PAX5: variants seen among roughly 807,000 people sequenced by gnomAD.
The protein encoded by PAX5 is paired box protein Pax-5.
A neutral mutation model predicts 43.7 loss-of-function variants in PAX5; 9 were observed. The observed-to-expected ratio is 0.21, with a 90% confidence interval of 0.12 to 0.36. The LOEUF is 0.36. Ranked by LOEUF, PAX5 falls within the 10% of genes least tolerant of loss-of-function variation. The probability of loss-of-function intolerance (pLI) is 1.00; values close to 1 mark genes in which losing one functional copy is unlikely to be tolerated. For missense variants in PAX5, 383 were observed against 532.7 expected, an observed-to-expected ratio of 0.72 and a Z score of 2.77; for synonymous variants, 228 against 214.3, an observed-to-expected ratio of 1.06 and a Z score of -0.56.
At position 36,882,199 on chromosome 9, in the gene PAX5, G is replaced by T; in HGVS notation, c.911-94C>A. The T allele has an allele frequency of 9.6e-7, 1 of 1,037,506 alleles. No homozygotes were observed. The highest frequency in any genetic ancestry group is 1.4e-6 in the Non-Finnish European group (1 of 721,286). The allele number at this position is 1,037,506 out of a possible 1,614,324, so 64.3% of individuals were successfully genotyped here. A position where few individuals can be genotyped will look rare whatever the true frequency, so the allele number is the denominator to read the frequency against. On this transcript the variant is annotated intron_variant, in intron 7 of 9. Transcript: ENST00000358127. The surrounding 1 kb of genome is among the most constrained non-coding windows in gnomAD (Gnocchi z 4.4). ...CTGGACGCTTCTGCACATTTGTCAC[G>T]TTTGGACGCTGAACGGCAATGTGCC...
intron 6 of PAX5, among the ~76,000 whole-genome samples, chr9:36,934,306 G>A (rs1020279605): frequency 9.9e-5 from 15 of 152,218 alleles, no homozygotes; most frequent in Admixed American, 7.2e-4. Flanking sequence ...CAGGCCTTTT[G>A]CGTTTCAGTT....
chr9:37,028,727 T>C (rs988117354), intron 1 of PAX5, among the ~76,000 whole-genome samples: 1 of 152,200 alleles, frequency 6.6e-6, no homozygotes, highest in Non-Finnish European at 1.5e-5. Flanking sequence ...ACAGGCGCAT[T>C]CTATCTGCAA....
At chr9:36,950,533 CAGA>C (rs1162050294) in intron 6 of PAX5, among the ~76,000 whole-genome samples, 1 of 152,172 alleles carries the variant, frequency 6.6e-6, no homozygotes, top group Non-Finnish European at 1.5e-5. Context: ...CTCTCAGCGA[CAGA>C]AGATTCCCAG....
intron 1 of PAX5, among the ~76,000 whole-genome samples, chr9:37,028,409 C>T (rs988087953): frequency 2.0e-5 from 3 of 152,238 alleles, no homozygotes; most frequent in African/African-American, 7.2e-5. Flanking sequence ...GCAGGGCCCT[C>T]ATTGCTGCAT....
At chr9:36,948,242 G>A (rs1409868165) in intron 6 of PAX5, among the ~76,000 whole-genome samples, 3 of 152,162 alleles carry the variant, frequency 2.0e-5, no homozygotes, top group Non-Finnish European at 4.4e-5. Flanking sequence ...CTTGCCATGT[G>A]GCCAGCACAG....
At chr9:36,968,451 G>A (rs1051677399) in intron 5 of PAX5, among the ~76,000 whole-genome samples, 1 of 152,190 alleles carries the variant, frequency 6.6e-6, no homozygotes, top group Non-Finnish European at 1.5e-5. Context: ...TTGGCCTTTC[G>A]GATCCCTCGT....
chr9:36,850,873 C>T (rs1823095420), intron 8 of PAX5, among the ~76,000 whole-genome samples: 2 of 152,188 alleles, frequency 1.3e-5, no homozygotes, highest in South Asian at 4.1e-4. Flanking sequence ...CCCCCAGGAG[C>T]AAGCAGTCCC....
chr9:36,970,345 G>A (rs1011062056), intron 5 of PAX5, among the ~76,000 whole-genome samples: 1 of 152,052 alleles, frequency 6.6e-6, no homozygotes, highest in Non-Finnish European at 1.5e-5. Flanking sequence ...CTGAGAGAAG[G>A]GGGTGAAAGG....
intron 3 of PAX5, among the ~76,000 whole-genome samples, chr9:37,009,510 T>C (rs1231075486): frequency 1.3e-5 from 2 of 152,218 alleles, no homozygotes; most frequent in Non-Finnish European, 2.9e-5. Context: ...AAAATATTCA[T>C]ATTTTTCACA....
At chr9:36,951,899 T>C (rs1833039604) in intron 6 of PAX5, among the ~76,000 whole-genome samples, 1 of 152,228 alleles carries the variant, frequency 6.6e-6, no homozygotes, top group African/African-American at 2.4e-5. Flanking sequence ...ACTGGCATCC[T>C]TGACCTAACA....
At chr9:36,942,667 T>A (rs908589033) in intron 6 of PAX5, among the ~76,000 whole-genome samples, 7 of 152,236 alleles carry the variant, frequency 4.6e-5, no homozygotes, top group African/African-American at 1.7e-4. Context: ...TCATTCTTCT[T>A]CCTTTTTGCA....
intron 5 of PAX5, among the ~76,000 whole-genome samples, chr9:36,968,075 C>A (rs1281074781): frequency 6.6e-6 from 1 of 152,210 alleles, no homozygotes; most frequent in Admixed American, 6.5e-5. Context: ...TCTCTGGGAC[C>A]ATATTGCTCA....
At chr9:37,013,584 T>C (rs1013230675) in intron 3 of PAX5, among the ~76,000 whole-genome samples, 7 of 152,124 alleles carry the variant, frequency 4.6e-5, no homozygotes, top group Admixed American at 3.3e-4. Flanking sequence ...TGGAGCCTCT[T>C]ATAATCCATA....
At chr9:36,998,014 T>G (rs1394439232) in intron 5 of PAX5, among the ~76,000 whole-genome samples, 5 of 152,192 alleles carry the variant, frequency 3.3e-5, no homozygotes, top group Non-Finnish European at 5.9e-5. Context: ...TGCTCCTCAT[T>G]TGTCCAGCGC....
chr9:36,911,077 C>T (rs1009866395), intron 7 of PAX5, among the ~76,000 whole-genome samples: 2 of 152,220 alleles, frequency 1.3e-5, no homozygotes, highest in Non-Finnish European at 2.9e-5. Context: ...GAGATCCCCC[C>T]AGCTGGGCAC....
At chr9:36,940,533 G>A (rs1254817566) in intron 6 of PAX5, among the ~76,000 whole-genome samples, 3 of 152,144 alleles carry the variant, frequency 2.0e-5, no homozygotes, top group African/African-American at 7.2e-5. Flanking sequence ...CGACCCCCAG[G>A]AGCAGCCCTG....
At chr9:37,014,633 C>G (rs1839239024) in intron 3 of PAX5, among the ~76,000 whole-genome samples, 1 of 152,200 alleles carries the variant, frequency 6.6e-6, no homozygotes, top group South Asian at 2.1e-4. Flanking sequence ...GACCTTGAGC[C>G]TAGGTTTGCA....
At chr9:36,975,910 C>T (rs1018788202) in intron 5 of PAX5, among the ~76,000 whole-genome samples, 2 of 152,158 alleles carry the variant, frequency 1.3e-5, no homozygotes, top group African/African-American at 4.8e-5. Context: ...TCCCATTTAC[C>T]TCAAGCATAG....
chr9:36,928,659 T>A (rs777587732), intron 6 of PAX5, among the ~76,000 whole-genome samples: 1 of 152,034 alleles, frequency 6.6e-6, no homozygotes, highest in Non-Finnish European at 1.5e-5. Flanking sequence ...TACGCTAACA[T>A]CCCCTTCCCT....
Sources: allele counts gnomAD v4.1 joint callset (sites outside exome capture counted in the v4.1 genomes callset), GRCh38; gene constraint gnomAD v4.1.1; non-coding constraint Gnocchi (gnomAD v3.1); transcripts MANE v1.5; gene names NCBI Gene and HGNC (gene_info 2026-07-23, HGNC 2026-07-21).